SEC16B: variants seen among roughly 807,000 people sequenced by gnomAD.
SEC16B encodes SEC16 homolog B, endoplasmic reticulum export factor.
In SEC16B, 115 loss-of-function variants were observed where a neutral mutation model predicts 141.8. The observed-to-expected ratio is 0.81, with a 90% CI of 0.70 to 0.95. The LOEUF is 0.95. SEC16B is among the 40% of genes least tolerant of loss of function. The probability of loss-of-function intolerance (pLI) is 0.00; values close to 1 mark genes in which losing one functional copy is unlikely to be tolerated. For missense variants in SEC16B, 1,291 were observed against 1,312.3 expected, an observed-to-expected ratio of 0.98 and a Z score of 0.25; for synonymous variants, 493 against 492.5, an observed-to-expected ratio of 1.00 and a Z score of -0.01.
upstream of SEC16B, chr1:177,973,332 C>T (rs1408927362): frequency 6.6e-6 from 1 of 152,030 alleles, no homozygotes; most frequent in Non-Finnish European, 1.5e-5. Flanking sequence ...ATTTAGAAAA[C>T]AAGTTGAGAA....
chr1:177,975,338 G>T (rs922454727), intron 1 of SEC16B, among the ~76,000 whole-genome samples: 1 of 152,200 alleles, frequency 6.6e-6, no homozygotes, highest in Non-Finnish European at 1.5e-5. Context: ...CACCTTAAAT[G>T]TATACCAGCA....
upstream of SEC16B, among the ~76,000 whole-genome samples, chr1:177,971,061 C>A (rs553812131): frequency 4.6e-5 from 7 of 151,446 alleles, no homozygotes; most frequent in African/African-American, 1.7e-4. Flanking sequence ...GCATAGAATT[C>A]TCTGACTGTA....
In SEC16B at chr1:177,967,887, T is replaced by C; in HGVS notation, c.95A>G (p.His32Arg). ...DPDRGFRRDG[H>R]HRPVPHSWHN... ...CCAAGAGTGAGGGACAGGCCGATGA[T>C]GTCCATCTCTCCGAAACCCTCGGTC... Residue 32 changes from histidine to arginine, a missense_variant, in exon 2 of 26, where the codon CAT (histidine) becomes CGT (arginine). His to Arg is a conservative substitution (Grantham distance 29). Coordinates refer to ENST00000308284, the MANE Select transcript of SEC16B (RefSeq NM_033127.4). 1 of 1,613,988 alleles carries C rather than the reference T, an allele frequency of 6.2e-7. No homozygotes were observed. The highest frequency in any genetic ancestry group is 8.5e-7 in the Non-Finnish European group (1 of 1,179,864).
intron 1 of SEC16B, among the ~76,000 whole-genome samples, chr1:177,981,545 C>T (rs1456060548): frequency 2.0e-5 from 3 of 152,130 alleles, no homozygotes; most frequent in Admixed American, 2.0e-4. Flanking sequence ...TATTATGTGC[C>T]TCATGTTGTA....
rs74128476 is a variant in SEC16B, at chr1:177,940,059, A to G, written c.2128-282T>C. Among the ~76,000 whole-genome samples the G allele has an allele frequency of 4.0e-3, 614 of 152,282 alleles. 4 individuals are homozygous for G. Among genetic ancestry groups the G allele is most frequent in the African/African-American group, 0.014 (586 of 41,544 alleles). The stretch of plus-strand genomic sequence containing the variant: ...GTAGGCCTCAGCACGTGCAGCAGAT[A>G]GAAGGGGTAGAGGCTGTGTGTGCTT... On this transcript the variant is annotated intron_variant, in intron 17 of 25. Transcript: ENST00000308284.
In SEC16B at chr1:177,948,607, GTT is replaced by G. The variant is rs749740164; in HGVS notation, c.1546-667_1546-666del. On this transcript the variant is annotated intron_variant, in intron 12 of 25. Coordinates refer to ENST00000308284, the MANE Select transcript of SEC16B (RefSeq NM_033127.4). The stretch of plus-strand genomic sequence containing the variant: ...ATGTACAAAGCCCCGCATCAATGGT[GTT>G]TTCCCCACAATCTCTCCCTAAGGCT... 2.1e-5 allele frequency: 28 copies of G among 1,303,782 alleles called. No individual in the cohort carries two copies. The South Asian group carries it at 2.2e-4, about 10-fold the overall frequency. The allele number at this position is 1,303,782 out of a possible 1,614,324, so 80.8% of individuals were successfully genotyped here.
chr1:177,932,728 G>C lies in SEC16B; in HGVS notation c.2902C>G (p.Pro968Ala). 6.2e-7 allele frequency: 1 copy of C among 1,605,332 alleles called. No homozygotes were observed. Among genetic ancestry groups the C allele is most frequent in the Non-Finnish European group, 8.5e-7 (1 of 1,176,338 alleles). Residue 968 changes from proline (P) to alanine (A), a missense_variant, in exon 23 of 26, where the codon CCG (proline) becomes GCG (alanine). By Grantham distance (27) the Pro-to-Ala change is conservative (BLOSUM62 -1). Coordinates refer to ENST00000308284, the MANE Select transcript of SEC16B (RefSeq NM_033127.4). ...LTPSPESPPL[P>A]DVSAFSRGRG... is the part of the protein sequence containing the mutation. The stretch of plus-strand genomic sequence containing the variant: ...CCCCTGGAGAAGGCACTAACATCCG[G>C]CAGAGGTGGGGACTCAGGGGAAGGT...
At chr1:177,964,327 CA>C (rs2101993312) in intron 4 of SEC16B, 48 bp from the exon 5 acceptor site, 1 of 1,415,690 alleles carries the variant, frequency 7.1e-7, no homozygotes, top group African/African-American at 1.4e-5. Flanking sequence ...GGCAAGCCAG[CA>C]AGGCTGAGGC....
intron 10 of SEC16B, among the ~76,000 whole-genome samples, chr1:177,954,986 G>A (rs1652486669): frequency 6.6e-6 from 1 of 152,030 alleles, no homozygotes; most frequent in Non-Finnish European, 1.5e-5. Context: ...TAATTTTGAA[G>A]TAGAAAAAGC....
rs556843070 is a variant in SEC16B, at chr1:177,940,789, G to A, written c.2023-75C>T. On this transcript the variant is annotated intron_variant, in intron 16 of 25. Coordinates refer to ENST00000308284, the MANE Select transcript of SEC16B (RefSeq NM_033127.4). The stretch of plus-strand genomic sequence containing the variant: ...GAGAGAGAGGGAAGAGAAATGGAAA[G>A]ACAACGGGGAAGAGAAAACAAGGAA... 12 of 925,276 alleles carry A rather than the reference G, an allele frequency of 1.3e-5. No homozygotes were observed. The African/African-American group carries it at 2.0e-4, about 15-fold the overall frequency. 57.3% of individuals were successfully genotyped at this position (925,276 alleles called of 1,614,324 possible).
At chr1:177,973,843 T>A (rs1654058414), upstream of SEC16B, among the ~76,000 whole-genome samples, 1 of 152,086 alleles carries the variant, frequency 6.6e-6, no homozygotes, top group Non-Finnish European at 1.5e-5. Flanking sequence ...CTAATGGATA[T>A]ATCACTGATT....
chr1:177,964,281 T>C lies in SEC16B; in HGVS notation c.534-2A>G. The C allele has an allele frequency of 6.2e-7, 1 of 1,608,064 alleles. No homozygotes were observed. The highest frequency in any genetic ancestry group is 2.2e-5 in the East Asian group (1 of 44,684). ...TTACAAGGGTTCCTACTGTTAGATC[T>C]GCAGCAAAATGACAGGAGCAGTGAG... On this transcript the variant is annotated splice_acceptor_variant, in intron 4 of 25. Transcript: ENST00000308284. LOFTEE classifies it high-confidence loss of function.
In SEC16B at chr1:177,933,244, G is replaced by T. The variant is rs149216709; in HGVS notation, c.2793C>A (p.Asp931Glu). ...AGTCAGGGCTGTCTGAGGAGTCCTCGTCTCCAGCGGGGGATGCGTTCTTGG... is the reference window on the plus strand; with the variant it reads ...AGTCAGGGCTGTCTGAGGAGTCCTCTTCTCCAGCGGGGGATGCGTTCTTGG... ...KPTKNASPAG[D>E]EDSSDSPDSE... Residue 931 changes from aspartate (D) to glutamate (E), a missense_variant, in exon 22 of 26, where the codon GAC becomes GAA. Coordinates refer to ENST00000308284, the MANE Select transcript of SEC16B (RefSeq NM_033127.4). 3 of 1,593,686 alleles carry T rather than the reference G, an allele frequency of 1.9e-6. No individual in the cohort carries two copies. The South Asian group carries it at 3.4e-5, about 18-fold the overall frequency.
chr1:177,965,391 A>G (rs2101996884), intron 3 of SEC16B, among the ~76,000 whole-genome samples: 1 of 105,550 alleles, frequency 9.5e-6, no homozygotes, highest in East Asian at 3.2e-4. Context: ...CCGCACAACG[A>G]TGGGGATTGG....
intron 12 of SEC16B, among the ~76,000 whole-genome samples, chr1:177,949,612 C>T (rs928701844): frequency 5.3e-5 from 8 of 152,088 alleles, no homozygotes; most frequent in African/African-American, 1.9e-4. Context: ...CAGATGTTCT[C>T]TCTCCCTTAA....
chr1:177,947,812 TG>T lies in SEC16B; in HGVS notation c.1663+12del, dbSNP rs1321898323. ...AGGGAGGGGAGCGGAGGGGAAATGC[TG>T]GTGTCGCTTACCCAGGGTGTCCCCA... On this transcript the variant is annotated intron_variant, in intron 13 of 25. Transcript: ENST00000308284. The T allele has an allele frequency of 1.5e-6, 2 of 1,355,240 alleles. No individual in the cohort carries two copies. Among genetic ancestry groups the T allele is most frequent in the Non-Finnish European group, 2.0e-6 (2 of 1,024,498 alleles). The allele number at this position is 1,355,240 out of a possible 1,614,324, so 84.0% of individuals were successfully genotyped here.
intron 15 of SEC16B, 132 bp downstream of exon 15, chr1:177,944,429 G>A (rs922002375): frequency 6.0e-5 from 42 of 697,944 alleles, no homozygotes; most frequent in East Asian, 1.5e-4. Flanking sequence ...ACCCTCCCAC[G>A]CTTAAGCTAA....
chr1:177,948,808 C>G (rs1651937630), intron 12 of SEC16B, among the ~76,000 whole-genome samples: 1 of 152,074 alleles, frequency 6.6e-6, no homozygotes, highest in Non-Finnish European at 1.5e-5. Flanking sequence ...AAATGGAGAT[C>G]GTAATTTCTA....
rs188578132 is a variant in SEC16B, at chr1:177,948,516, G to A, written c.1546-574C>T. The A allele has an allele frequency of 6.1e-6, 8 of 1,304,270 alleles. No homozygotes were observed. In the East Asian group the frequency reaches 4.4e-4, roughly 72 times the overall value. 80.8% of individuals were successfully genotyped at this position (1,304,270 alleles called of 1,614,324 possible). ...TAAGAAAATCAAGCCAAGTGGCCCA[G>A]CTAGGACGATGCAGAGGCAGCAGAA... On this transcript the variant is annotated intron_variant, in intron 12 of 25. Transcript: ENST00000308284.
Sources: gnomAD v4.1 joint callset for allele counts (sites outside exome capture counted in the v4.1 genomes callset) on GRCh38, gnomAD v4.1.1 for gene constraint, MANE v1.5 for transcripts, NCBI Gene and HGNC (gene_info 2026-07-23, HGNC 2026-07-21) for gene names.